TCEA1: variants seen among roughly 807,000 people sequenced by gnomAD.
TCEA1 encodes transcription elongation factor A1.
A neutral mutation model predicts 43.8 loss-of-function variants in TCEA1; 21 were observed. The observed-to-expected ratio is 0.48, with a 90% CI of 0.34 to 0.69. The LOEUF is 0.69. TCEA1 is among the 30% of genes least tolerant of loss of function. The probability of loss-of-function intolerance (pLI) is 0.01; values close to 1 mark genes in which losing one functional copy is unlikely to be tolerated. For synonymous variants in TCEA1, 104 were observed against 117.5 expected, an observed-to-expected ratio of 0.88 and a Z score of 0.75; for missense variants, 250 against 365.1, an observed-to-expected ratio of 0.68 and a Z score of 2.57.
In TCEA1 at chr8:54,022,317, C is replaced by T; in HGVS notation, c.-192G>A. ...GCGGCGGCGGCTCCGGCTCCTCCTC[C>T]CCAGGCAGCGACAATCGAACACCGC... On this transcript the variant is annotated 5_prime_UTR_variant, in exon 1 of 10. Transcript: ENST00000521604. The T allele has an allele frequency of 4.5e-6, 3 of 661,510 alleles. No individual in the cohort carries two copies. The highest frequency in any genetic ancestry group is 7.8e-6 in the Non-Finnish European group (3 of 384,960). 41.0% of individuals were successfully genotyped at this position (661,510 alleles called of 1,614,324 possible). A position where few individuals can be genotyped will look rare whatever the true frequency, so the allele number is the denominator to read the frequency against.
intron 6 of TCEA1, among the ~76,000 whole-genome samples, chr8:53,986,414 T>C (rs946656914): frequency 6.6e-6 from 1 of 152,236 alleles, no homozygotes; most frequent in African/African-American, 2.4e-5. Context: ...GTCACCATAA[T>C]ATAACACAGC....
chr8:53,968,238 T>C (rs547762023), intron 9 of TCEA1, 126 bp from the exon 10 acceptor site: 87 of 691,248 alleles, frequency 1.3e-4, no homozygotes, highest in Non-Finnish European at 5.2e-5. Context: ...ATGCTGTATT[T>C]TTCACACATA....
At chr8:53,981,927 CTTTTTTTTTT>C (rs35034211) in intron 7 of TCEA1, among the ~76,000 whole-genome samples, 6 of 128,166 alleles carry the variant, frequency 4.7e-5, no homozygotes, top group African/African-American at 1.7e-4. Context: ...GCTAAGTTTT[CTTTTTTTTTT>C]TTTTTTTTGT....
intron 1 of TCEA1, among the ~76,000 whole-genome samples, chr8:54,014,510 A>C (rs1210715092): frequency 6.6e-6 from 1 of 152,224 alleles, no homozygotes; most frequent in Non-Finnish European, 1.5e-5. Flanking sequence ...TCTCCTACAG[A>C]TGATGCAAGA....
intron 2 of TCEA1, 51 bp from the exon 3 acceptor site, chr8:54,000,101 A>G (rs1378804496): frequency 1.8e-6 from 2 of 1,090,228 alleles, no homozygotes; most frequent in Admixed American, 5.5e-5. Flanking sequence ...TTTTAAACAA[A>G]TTAGTATTTC....
rs72062714 is a variant in TCEA1, at chr8:54,012,962, CAAA to C, written c.64-2473_64-2471del. 5.7e-3 allele frequency among the ~76,000 whole-genome samples: 440 copies of C among 76,970 alleles called. 3 individuals carry two copies. The highest frequency in any genetic ancestry group is 0.017 in the African/African-American group (408 of 23,602). 50.5% of individuals were successfully genotyped at this position (76,970 alleles called of 152,430 possible). A position where few individuals can be genotyped will look rare whatever the true frequency, so the allele number is the denominator to read the frequency against. On this transcript the variant is annotated intron_variant, in intron 1 of 9. Transcript: ENST00000521604. The stretch of plus-strand genomic sequence containing the variant: ...AATAAAAATTAAAAAACGACGACGA[CAAA>C]AAAAAAAAAAAAAAAAAAAGATTGT...
intron 3 of TCEA1, chr8:53,999,668 G>T (rs546372177): frequency 1.2e-4 from 42 of 346,850 alleles, no homozygotes; most frequent in Non-Finnish European, 2.1e-5. Flanking sequence ...ATTTCAAAAG[G>T]TATCCACAAC....
chr8:53,973,010 A>T, intron 8 of TCEA1: 1 of 672,014 alleles, frequency 1.5e-6, no homozygotes, highest in South Asian at 1.4e-5. Flanking sequence ...ACTGAACATG[A>T]AAGAATTACA....
intron 9 of TCEA1, among the ~76,000 whole-genome samples, chr8:53,968,808 T>C (rs1803067737): frequency 6.6e-6 from 1 of 152,016 alleles, no homozygotes. Flanking sequence ...AAAAGATCCA[T>C]CATGCAAAAC....
chr8:53,990,228 C>T (rs1803830166), intron 4 of TCEA1, among the ~76,000 whole-genome samples: 2 of 146,898 alleles, frequency 1.4e-5, no homozygotes, highest in Admixed American at 6.8e-5. Context: ...ACAAACAAAC[C>T]TTTTTTTTTT....
rs1031188355 is a variant in TCEA1, at chr8:53,966,730, A to C, written c.*1374T>G. On this transcript the variant is annotated 3_prime_UTR_variant, in exon 10 of 10. Transcript: ENST00000521604. Reference sequence around the variant, plus strand: ...GAGGTGAGTTGGTACCAGTGGGCCAATTCTTAACACGGACATTTAAAAATG... The same window carrying C: ...GAGGTGAGTTGGTACCAGTGGGCCACTTCTTAACACGGACATTTAAAAATG... 1.0e-5 allele frequency: 2 copies of C among 199,718 alleles called. No homozygotes were observed. Among genetic ancestry groups the C allele is most frequent in the African/African-American group, 4.6e-5 (2 of 43,496 alleles). The allele number at this position is 199,718 out of a possible 1,614,324, so 12.4% of individuals were successfully genotyped here.
At chr8:54,012,939 T>C (rs369190633) in intron 1 of TCEA1, among the ~76,000 whole-genome samples, 2 of 14,738 alleles carry the variant, frequency 1.4e-4, no homozygotes, top group Admixed American at 7.1e-4. Flanking sequence ...ATTTCTAAAA[T>C]AAAAATTAAA....
At chr8:54,014,163 G>A (rs1325570380) in intron 1 of TCEA1, among the ~76,000 whole-genome samples, 1 of 152,206 alleles carries the variant, frequency 6.6e-6, no homozygotes, top group African/African-American at 2.4e-5. Flanking sequence ...ATACTGACGG[G>A]TAGTAAGGTC....
chr8:53,973,303 G>C, intron 8 of TCEA1: 1 of 523,718 alleles, frequency 1.9e-6, no homozygotes, highest in South Asian at 1.7e-5. Flanking sequence ...AAAGTGCAAA[G>C]AGATGGTCAA....
At chr8:54,002,176 A>G (rs1804290675) in intron 2 of TCEA1, among the ~76,000 whole-genome samples, 1 of 151,818 alleles carries the variant, frequency 6.6e-6, no homozygotes, top group Non-Finnish European at 1.5e-5. Flanking sequence ...ACTGTCTCCA[A>G]AAAGAAAAAA....
intron 7 of TCEA1, among the ~76,000 whole-genome samples, chr8:53,983,787 C>T (rs1182769881): frequency 2.0e-5 from 3 of 152,180 alleles, no homozygotes; most frequent in African/African-American, 4.8e-5. Flanking sequence ...TGGTTCTACA[C>T]TAATTCATAA....
intron 6 of TCEA1, 55 bp downstream of exon 6, chr8:53,986,914 T>C: frequency 7.1e-7 from 1 of 1,403,992 alleles, no homozygotes; most frequent in Non-Finnish European, 9.7e-7. Context: ...TTGCATATGT[T>C]CAATAAATAT....
rs557707009 is a variant in TCEA1 at position 54,018,792 on chromosome 8, C to A, written c.63+3271G>T. Among the ~76,000 whole-genome samples, 18 of 152,288 alleles carry A rather than the reference C, an allele frequency of 1.2e-4. No individual in the cohort carries two copies. In the South Asian group the frequency reaches 3.3e-3, roughly 28 times the overall value. Reference sequence around the variant, plus strand: ...TGATCTAGGTAACTAGGGAAACACACCTGCCCCAAAACAGCAAGTTCATAC... The same window carrying A: ...TGATCTAGGTAACTAGGGAAACACAACTGCCCCAAAACAGCAAGTTCATAC... On this transcript the variant is annotated intron_variant, in intron 1 of 9. Coordinates refer to ENST00000521604, the MANE Select transcript of TCEA1 (RefSeq NM_006756.4).
intron 7 of TCEA1, among the ~76,000 whole-genome samples, chr8:53,983,458 A>G (rs1300303814): frequency 2.6e-5 from 4 of 152,262 alleles, no homozygotes; most frequent in Admixed American, 1.3e-4. Flanking sequence ...GCAAGCTATA[A>G]ATTTCATTTT....
Sources: gnomAD v4.1 joint callset for allele counts (sites outside exome capture counted in the v4.1 genomes callset) on GRCh38, gnomAD v4.1.1 for gene constraint, MANE v1.5 for transcripts, NCBI Gene and HGNC (gene_info 2026-07-23, HGNC 2026-07-21) for gene names.